TAFA1: variants seen among roughly 807,000 people sequenced by gnomAD.
TAFA1 encodes TAFA chemokine like family member 1, also known as chemokine-like protein TAFA-1.
Under a neutral mutation model 18.5 loss-of-function variants are expected in TAFA1, and 4 were observed. The ratio of observed to expected loss-of-function variants is 0.22; its 90% CI spans 0.11 to 0.49. The LOEUF (loss-of-function observed/expected upper bound fraction) is 0.49, where lower values mean the gene tolerates loss of function less well. Among genes scored for constraint, TAFA1 ranks in the 20% least tolerant of loss-of-function variants. TAFA1 has a pLI of 0.98. For missense variants in TAFA1, 147 were observed against 169.0 expected, an observed-to-expected ratio of 0.87 and a Z score of 0.72; for synonymous variants, 56 against 55.2, an observed-to-expected ratio of 1.01 and a Z score of -0.06.
At chr3:68,498,484 T>G (rs1849232) in intron 3 of TAFA1, among the ~76,000 whole-genome samples, 32,031 of 151,936 alleles carry the variant, frequency 0.21, 3,443 homozygotes, top group Middle Eastern at 0.24. Flanking sequence ...AGCATATTGT[T>G]GCTAAGTGGG....
intron 3 of TAFA1, among the ~76,000 whole-genome samples, chr3:68,502,108 C>T (rs991181473): frequency 8.6e-5 from 13 of 152,036 alleles, no homozygotes; most frequent in South Asian, 2.1e-4. Flanking sequence ...AAGTGGAGGA[C>T]GTAGTTTGAT....
intron 3 of TAFA1, among the ~76,000 whole-genome samples, chr3:68,425,251 A>G (rs1456224408): frequency 6.6e-6 from 1 of 151,952 alleles, no homozygotes; most frequent in East Asian, 1.9e-4. Flanking sequence ...ACACGATGAA[A>G]TACTGAGATA....
At chr3:68,400,512 C>T (rs931813120) in intron 2 of TAFA1, among the ~76,000 whole-genome samples, 1 of 152,274 alleles carries the variant, frequency 6.6e-6, no homozygotes, top group Admixed American at 6.5e-5. Flanking sequence ...AAGGAACCAT[C>T]AGCATTTGAA....
intron 2 of TAFA1, among the ~76,000 whole-genome samples, chr3:68,075,256 A>G (rs2064808964): frequency 6.6e-6 from 1 of 152,162 alleles, no homozygotes; most frequent in South Asian, 2.1e-4. Context: ...TTGCCTTTCC[A>G]TTGAAGCCTG....
At chr3:68,295,667 T>C (rs1018293342) in intron 2 of TAFA1, among the ~76,000 whole-genome samples, 1 of 152,218 alleles carries the variant, frequency 6.6e-6, no homozygotes, top group Non-Finnish European at 1.5e-5. Flanking sequence ...AGTACAGTGA[T>C]GTCGTCATAA....
intron 2 of TAFA1, among the ~76,000 whole-genome samples, chr3:68,279,414 T>G (rs2067857453): frequency 6.6e-6 from 1 of 152,138 alleles, no homozygotes; most frequent in South Asian, 2.1e-4. Flanking sequence ...CCTCACCTAA[T>G]TATTAATCTT....
intron 2 of TAFA1, among the ~76,000 whole-genome samples, chr3:68,129,529 G>A (rs2065512172): frequency 6.6e-6 from 1 of 152,156 alleles, no homozygotes. Context: ...TCTTTCATAA[G>A]CATCCCTTTC....
intron 2 of TAFA1, among the ~76,000 whole-genome samples, chr3:68,404,072 A>AGGTG (rs2070547670): frequency 6.6e-6 from 1 of 152,192 alleles, no homozygotes; most frequent in East Asian, 1.9e-4. Context: ...GTGTTTACTC[A>AGGTG]TTCATCCTCA....
At chr3:68,154,246 T>A (rs1032515071) in intron 2 of TAFA1, among the ~76,000 whole-genome samples, 21 of 152,170 alleles carry the variant, frequency 1.4e-4, no homozygotes, top group African/African-American at 5.1e-4. Context: ...GCATGGCACA[T>A]CACCTGAAGG....
chr3:68,023,167 C>T (rs747405873), intron 2 of TAFA1, among the ~76,000 whole-genome samples: 1 of 151,768 alleles, frequency 6.6e-6, no homozygotes, highest in Non-Finnish European at 1.5e-5. Flanking sequence ...TGATGGACAG[C>T]GTTAAGATGG....
intron 3 of TAFA1, among the ~76,000 whole-genome samples, chr3:68,438,863 G>C (rs998443266): frequency 2.6e-5 from 4 of 152,076 alleles, no homozygotes; most frequent in Non-Finnish European, 5.9e-5. Flanking sequence ...CCACAGCTAG[G>C]ATGGCCACAC....
chr3:68,219,270 A>G lies in TAFA1; in HGVS notation c.119-198010A>G, dbSNP rs2066701204. On this transcript the variant is annotated intron_variant, in intron 2 of 4. Coordinates refer to ENST00000478136, the MANE Select transcript of TAFA1 (RefSeq NM_213609.4). ...TAACCCAAAGACACTTTTTAAAAGT[A>G]TTTTAATTTGACAAAAACTATAACA... is the stretch of plus-strand genomic sequence containing the variant. Among the ~76,000 whole-genome samples, 4 of 152,278 alleles carry G rather than the reference A, an allele frequency of 2.6e-5. No homozygotes were observed. The South Asian group carries it at 8.3e-4, about 32-fold the overall frequency.
At chr3:68,529,473 A>C (rs2073157836) in intron 3 of TAFA1, among the ~76,000 whole-genome samples, 1 of 142,224 alleles carries the variant, frequency 7.0e-6, no homozygotes, top group South Asian at 2.3e-4. Flanking sequence ...AAAAGAACAC[A>C]AGCTGCTTGC....
At chr3:68,386,931 A>G (rs529334041) in intron 2 of TAFA1, among the ~76,000 whole-genome samples, 15 of 152,144 alleles carry the variant, frequency 9.9e-5, no homozygotes, top group Non-Finnish European at 2.1e-4. Context: ...AGAAAGAAAG[A>G]TCATTCTCTT....
At chr3:68,381,090 C>T (rs1326081299) in intron 2 of TAFA1, among the ~76,000 whole-genome samples, 1 of 40,476 alleles carries the variant, frequency 2.5e-5, no homozygotes. Context: ...AGACGTGTGG[C>T]ATTATTTCTG....
chr3:68,236,711 T>G (rs1448295678), intron 2 of TAFA1, among the ~76,000 whole-genome samples: 1 of 152,226 alleles, frequency 6.6e-6, no homozygotes, highest in Non-Finnish European at 1.5e-5. Flanking sequence ...CTTTAATTAT[T>G]CTTGAAACTA....
intron 3 of TAFA1, among the ~76,000 whole-genome samples, chr3:68,475,015 A>G (rs1454964670): frequency 6.6e-6 from 1 of 152,134 alleles, no homozygotes; most frequent in South Asian, 2.1e-4. Flanking sequence ...CTTCTTTATC[A>G]AAGAAGCTCT....
At chr3:68,175,964 T>C (rs1239692766) in intron 2 of TAFA1, among the ~76,000 whole-genome samples, 1 of 152,160 alleles carries the variant, frequency 6.6e-6, no homozygotes, top group Non-Finnish European at 1.5e-5. Context: ...ATAGTGAATA[T>C]GTCTCACAAG....
chr3:68,285,232 A>G (rs1226913476), intron 2 of TAFA1, among the ~76,000 whole-genome samples: 1 of 152,226 alleles, frequency 6.6e-6, no homozygotes, highest in Non-Finnish European at 1.5e-5. Context: ...AAACCAATCT[A>G]TGCTGGTAGA....
Sources: gnomAD v4.1 joint callset for allele counts (sites outside exome capture counted in the v4.1 genomes callset) on GRCh38, gnomAD v4.1.1 for gene constraint, MANE v1.5 for transcripts, NCBI Gene and HGNC (gene_info 2026-07-23, HGNC 2026-07-21) for gene names.